The following EPB41 variants were observed in gnomAD, a reference collection of about 807,000 sequenced individuals.
The protein encoded by EPB41 is erythrocyte membrane protein band 4.1, also known as protein 4.1.
A neutral mutation model predicts 108.0 loss-of-function variants in EPB41; 65 were observed. The ratio of observed to expected loss-of-function variants is 0.60; its 90% CI spans 0.49 to 0.74. EPB41 has a LOEUF of 0.74. Among genes scored for constraint, EPB41 ranks in the 30% least tolerant of loss-of-function variants. The pLI, the probability that EPB41 is intolerant of heterozygous loss-of-function variation, is 0.00. For synonymous variants in EPB41, 336 were observed against 358.9 expected (o/e 0.94, Z 0.72); for missense variants, 875 against 1,037.0 (o/e 0.84, Z 2.15).
intron 1 of EPB41, among the ~76,000 whole-genome samples, chr1:28,929,161 A>G (rs1235066519): frequency 6.6e-6 from 1 of 152,152 alleles, no homozygotes; most frequent in Non-Finnish European, 1.5e-5. Context: ...ATGTTCCTTT[A>G]TAATCTCACT....
intron 4 of EPB41, among the ~76,000 whole-genome samples, chr1:28,998,994 G>T (rs975134757): frequency 6.6e-6 from 1 of 152,092 alleles, no homozygotes; most frequent in African/African-American, 2.4e-5. Context: ...CATTAGTAAG[G>T]GAACATTGAA....
intron 14 of EPB41, 119 bp from the exon 15 acceptor site, chr1:29,060,303 C>G (rs1316469998): frequency 2.6e-6 from 2 of 781,206 alleles, no homozygotes; most frequent in Non-Finnish European, 4.3e-6. Context: ...TTGGCATATG[C>G]TGCGCTGTGG....
intron 1 of EPB41, among the ~76,000 whole-genome samples, chr1:28,967,186 GT>G (rs2095379316): frequency 6.6e-6 from 1 of 151,682 alleles, no homozygotes. Flanking sequence ...ACCCGGCTAA[GT>G]TTTTGTATTT....
chr1:29,103,063 G>A (rs892544730), intron 17 of EPB41, among the ~76,000 whole-genome samples: 1 of 151,984 alleles, frequency 6.6e-6, no homozygotes, highest in South Asian at 2.1e-4. Flanking sequence ...GTGAGCCACC[G>A]CACCCAGCCT....
chr1:29,074,317 T>C (rs1337676423), intron 16 of EPB41, among the ~76,000 whole-genome samples: 2 of 152,204 alleles, frequency 1.3e-5, no homozygotes, highest in African/African-American at 4.8e-5. Context: ...TATTATATTG[T>C]TTTTATTATA....
At chr1:28,899,445 C>A (rs756002881) in intron 1 of EPB41, among the ~76,000 whole-genome samples, 69 of 145,226 alleles carry the variant, frequency 4.8e-4, no homozygotes, top group South Asian at 1.0e-3. Flanking sequence ...CCTCTTCCCC[C>A]TTTCCTGGGA....
At chr1:29,105,235 C>T (rs548446353) in intron 17 of EPB41, among the ~76,000 whole-genome samples, 1 of 152,020 alleles carries the variant, frequency 6.6e-6, no homozygotes, top group East Asian at 1.9e-4. Flanking sequence ...TTGTGTATGG[C>T]TTCTTTCTTT....
rs562812348 is a variant in EPB41 at position 29,002,941 on chromosome 1, T to C, written c.786+5622T>C. On this transcript the variant is annotated intron_variant, in intron 4 of 20. Transcript: ENST00000343067. ...CTGACTCAGGTAGACTGGAATCTCC[T>C]GTTTTCAGGAAAAACTGGTCTGTTT... Among the ~76,000 whole-genome samples the C allele has an allele frequency of 8.1e-4, 124 of 152,356 alleles. 1 individual carries two copies. The highest frequency in any genetic ancestry group is 2.0e-3 in the Admixed American group (31 of 15,308).
chr1:29,074,850 T>G (rs1443395498), intron 16 of EPB41, among the ~76,000 whole-genome samples: 1 of 152,210 alleles, frequency 6.6e-6, no homozygotes, highest in Non-Finnish European at 1.5e-5. Flanking sequence ...GAAAACACAC[T>G]TTAGGAATTT....
intron 1 of EPB41, among the ~76,000 whole-genome samples, chr1:28,954,344 G>T (rs2094861277): frequency 6.6e-6 from 1 of 152,172 alleles, no homozygotes; most frequent in South Asian, 2.1e-4. Flanking sequence ...CAGTATTAAT[G>T]CTCTTGCTTG....
chr1:28,900,689 G>T (rs943093420), intron 1 of EPB41, among the ~76,000 whole-genome samples: 2 of 151,988 alleles, frequency 1.3e-5, no homozygotes, highest in African/African-American at 4.8e-5. Context: ...GGCTAAAGAG[G>T]GTTTAAGTGC....
At chr1:28,988,503 G>A (rs1409704272) in intron 2 of EPB41, among the ~76,000 whole-genome samples, 12 of 151,944 alleles carry the variant, frequency 7.9e-5, no homozygotes. Context: ...GGGATTACAG[G>A]CGCTGGCCAC....
intron 5 of EPB41, among the ~76,000 whole-genome samples, chr1:29,014,191 C>T (rs1411827501): frequency 6.6e-6 from 1 of 151,878 alleles, no homozygotes; most frequent in Non-Finnish European, 1.5e-5. Flanking sequence ...GTGGCAGGCA[C>T]CTGTAATCCC....
At chr1:29,029,725 A>G (rs2096765263) in intron 7 of EPB41, among the ~76,000 whole-genome samples, 1 of 152,242 alleles carries the variant, frequency 6.6e-6, no homozygotes, top group Non-Finnish European at 1.5e-5. Flanking sequence ...CTGTTTTCAA[A>G]CAAATCTAAT....
At chr1:28,969,903 AAAACAAAC>A (rs372402669) in intron 1 of EPB41, among the ~76,000 whole-genome samples, 1 of 152,278 alleles carries the variant, frequency 6.6e-6, no homozygotes, top group South Asian at 2.1e-4. Context: ...TCTGTCTCAA[AAAACAAAC>A]AAACAAACAA....
chr1:28,908,440 A>C (rs113115972), intron 1 of EPB41, among the ~76,000 whole-genome samples: 4 of 144,806 alleles, frequency 2.8e-5, no homozygotes, highest in Admixed American at 2.1e-4. Context: ...TATTATTATT[A>C]TTTTTTTTTG....
chr1:28,953,124 A>C (rs535025043), intron 1 of EPB41, among the ~76,000 whole-genome samples: 5 of 151,930 alleles, frequency 3.3e-5, no homozygotes, highest in Non-Finnish European at 5.9e-5. Context: ...CAAGGTCTAC[A>C]TATTGCAAGT....
upstream of EPB41, among the ~76,000 whole-genome samples, chr1:28,910,101 A>G (rs1261254376): frequency 2.6e-5 from 4 of 151,148 alleles, no homozygotes; most frequent in Non-Finnish European, 5.9e-5. Context: ...AAAAAAAAAA[A>G]GTGTACGTAT....
At chr1:28,966,279 C>T (rs991942384) in intron 1 of EPB41, among the ~76,000 whole-genome samples, 4 of 152,030 alleles carry the variant, frequency 2.6e-5, no homozygotes, top group Admixed American at 6.6e-5. Context: ...TGTAAGTAAG[C>T]ATTTTGTATT....
Sources: allele counts gnomAD v4.1 joint callset (sites outside exome capture counted in the v4.1 genomes callset), GRCh38; gene constraint gnomAD v4.1.1; transcripts MANE v1.5; gene names NCBI Gene and HGNC (gene_info 2026-07-23, HGNC 2026-07-21).